Variants in TTYH2 observed in about 807,000 individuals in gnomAD.
TTYH2 encodes tweety family member 2, also known as protein tweety homolog 2.
Under a neutral mutation model 68.3 loss-of-function variants are expected in TTYH2, and 49 were observed. The ratio of observed to expected loss-of-function variants is 0.72; its 90% CI spans 0.57 to 0.91. The LOEUF is 0.91. Among genes scored for constraint, TTYH2 ranks in the 40% least tolerant of loss-of-function variants. TTYH2 has a pLI of 0.00. For synonymous variants in TTYH2, 272 were observed against 300.8 expected (o/e 0.90, Z 0.99); for missense variants, 631 against 700.4 (o/e 0.90, Z 1.12).
intron 2 of TTYH2, among the ~76,000 whole-genome samples, chr17:74,226,929 G>A (rs2050336155): frequency 6.6e-6 from 1 of 151,990 alleles, no homozygotes; most frequent in African/African-American, 2.4e-5. Context: ...AACAGCCAAG[G>A]CGATTTTTCT....
chr17:74,243,981 C>G lies in TTYH2; in HGVS notation c.736C>G (p.Leu246Val). 3 of 1,611,886 alleles carry G rather than the reference C, an allele frequency of 1.9e-6. No homozygotes were observed. The highest frequency in any genetic ancestry group is 2.5e-6 in the Non-Finnish European group (3 of 1,179,864). The change falls in exon 6 of 14, where the codon CTG (leucine) becomes GTG (valine). Residue 246 changes from leucine to valine, a missense_variant. By Grantham distance (32) the Leu-to-Val change is conservative (BLOSUM62 1). Coordinates refer to ENST00000269346, the MANE Select transcript of TTYH2 (RefSeq NM_032646.6). The part of the protein sequence containing the change: ...KRSKCLLASM[L>V]CCGALSLLLS... ...TGTCGCCTGCCTCTCTCCTAGGATG[C>G]TGTGCTGTGGGGCACTGAGCCTGCT...
chr17:74,228,879 G>T (rs1286629308), intron 2 of TTYH2, among the ~76,000 whole-genome samples: 3 of 152,188 alleles, frequency 2.0e-5, no homozygotes, highest in African/African-American at 7.2e-5. Context: ...GACAGTGATG[G>T]CATGGGCAAG....
At chr17:74,250,118 C>A in intron 9 of TTYH2, 90 bp downstream of exon 9, 1 of 1,521,426 alleles carries the variant, frequency 6.6e-7, no homozygotes, top group Non-Finnish European at 9.0e-7. Context: ...CTGTGCACAG[C>A]TTGCTGCTGG....
chr17:74,257,945 G>A (rs562318792), intron 13 of TTYH2, among the ~76,000 whole-genome samples: 1 of 152,246 alleles, frequency 6.6e-6, no homozygotes, highest in South Asian at 2.1e-4. Context: ...CTTGAGGCCA[G>A]GAGCTCGAGA....
intron 13 of TTYH2, among the ~76,000 whole-genome samples, chr17:74,256,161 T>A (rs892099608): frequency 6.6e-6 from 1 of 152,192 alleles, no homozygotes; most frequent in African/African-American, 2.4e-5. Context: ...GAAGGAGCCA[T>A]CTTTGCTGCT....
At chr17:74,251,334 ATG>A (rs1204032551) in intron 10 of TTYH2, among the ~76,000 whole-genome samples, 3 of 108,660 alleles carry the variant, frequency 2.8e-5, no homozygotes, top group Non-Finnish European at 5.3e-5. Flanking sequence ...GTGCACATGT[ATG>A]TGGTGTGTGT....
In TTYH2 at chr17:74,239,341, G is replaced by A. The variant is rs959308237; in HGVS notation, c.635+1827G>A. 6.6e-6 allele frequency among the ~76,000 whole-genome samples: 1 copy of A among 152,224 alleles called. No individual in the cohort carries two copies. Among genetic ancestry groups the A allele is most frequent in the African/African-American group, 2.4e-5 (1 of 41,466 alleles). ...CCCGGGCCTAGCATGGAGGAGGCAC[G>A]TGGGGAGGGGAAGCATGAGTCAGGA... is the stretch of plus-strand genomic sequence containing the variant. On this transcript the variant is annotated intron_variant, in intron 4 of 13. Coordinates refer to ENST00000269346, the MANE Select transcript of TTYH2 (RefSeq NM_032646.6). The surrounding 1 kb of genome is among the most constrained non-coding windows in gnomAD (Gnocchi z 5.3).
intron 13 of TTYH2, among the ~76,000 whole-genome samples, chr17:74,255,586 G>T (rs1468184563): frequency 6.6e-6 from 1 of 152,032 alleles, no homozygotes; most frequent in Non-Finnish European, 1.5e-5. Context: ...CTACTAGCTG[G>T]GATTACAGGC....
At chr17:74,218,959 G>A (rs916332855) in intron 1 of TTYH2, among the ~76,000 whole-genome samples, 2 of 152,206 alleles carry the variant, frequency 1.3e-5, no homozygotes. Flanking sequence ...GTTGGGCGTC[G>A]TGGCTCACGC....
intron 2 of TTYH2, among the ~76,000 whole-genome samples, chr17:74,230,283 T>G (rs2050374841): frequency 6.6e-6 from 1 of 151,154 alleles, no homozygotes; most frequent in Non-Finnish European, 1.5e-5. Flanking sequence ...TTTGCAGAGA[T>G]AGGGTCTCAC....
At chr17:74,225,331 T>C (rs2050319026) in intron 2 of TTYH2, among the ~76,000 whole-genome samples, 1 of 150,580 alleles carries the variant, frequency 6.6e-6, no homozygotes, top group Non-Finnish European at 1.5e-5. Context: ...ATGGGGAAAG[T>C]GTCACGGGGT....
At chr17:74,244,499 TGTG>T in intron 6 of TTYH2, among the ~76,000 whole-genome samples, 1 of 152,266 alleles carries the variant, frequency 6.6e-6, no homozygotes, top group Non-Finnish European at 1.5e-5. Context: ...GACTGTAGAA[TGTG>T]GTGTCTGACT....
intron 2 of TTYH2, among the ~76,000 whole-genome samples, chr17:74,227,983 C>T (rs865988890): frequency 2.8e-4 from 31 of 112,482 alleles, no homozygotes; most frequent in African/African-American, 6.5e-4. Context: ...TCTTTTCTTT[C>T]TTTTTTTTTT....
chr17:74,218,111 A>T (rs2050238774), intron 1 of TTYH2, among the ~76,000 whole-genome samples: 2 of 151,122 alleles, frequency 1.3e-5, no homozygotes, highest in Admixed American at 1.3e-4. Flanking sequence ...AGGAGCAAGA[A>T]AATAATTGCC....
intron 2 of TTYH2, among the ~76,000 whole-genome samples, chr17:74,227,218 G>C (rs1269994356): frequency 6.6e-6 from 1 of 152,078 alleles, no homozygotes; most frequent in Non-Finnish European, 1.5e-5. Context: ...CAGGTGATCT[G>C]CCTGCCTCAG....
At chr17:74,237,663 G>A (rs2143749890) in intron 4 of TTYH2, 149 bp downstream of exon 4, 2 of 695,730 alleles carry the variant, frequency 2.9e-6, no homozygotes, top group South Asian at 2.1e-5. Flanking sequence ...GTCTTGCTCT[G>A]TTGCCCAGGC....
intron 10 of TTYH2, 28 bp downstream of exon 10, chr17:74,250,385 A>C: frequency 1.3e-6 from 2 of 1,595,926 alleles, no homozygotes; most frequent in Non-Finnish European, 1.7e-6. Flanking sequence ...GGTCACGTGG[A>C]GAGTGTGAGG....
At chr17:74,256,477 C>T (rs921409229) in intron 13 of TTYH2, among the ~76,000 whole-genome samples, 3 of 152,068 alleles carry the variant, frequency 2.0e-5, no homozygotes, top group Admixed American at 6.6e-5. Flanking sequence ...GGAACCAATC[C>T]CCCTGTCATT....
intron 6 of TTYH2, among the ~76,000 whole-genome samples, chr17:74,245,720 T>C (rs2050550849): frequency 6.6e-6 from 1 of 152,182 alleles, no homozygotes; most frequent in Non-Finnish European, 1.5e-5. Context: ...GAGATGCTGC[T>C]GCATTTTAAT....
Sources: allele counts gnomAD v4.1 joint callset (sites outside exome capture counted in the v4.1 genomes callset), GRCh38; gene constraint gnomAD v4.1.1; non-coding constraint Gnocchi (gnomAD v3.1); transcripts MANE v1.5; gene names NCBI Gene and HGNC (gene_info 2026-07-23, HGNC 2026-07-21).